NAV3: variants seen among roughly 807,000 people sequenced by gnomAD.
The protein encoded by NAV3 is pore membrane and/or filament interacting like protein 1.
Under a neutral mutation model 244.7 loss-of-function variants are expected in NAV3, and 87 were observed. The ratio of observed to expected loss-of-function variants is 0.36; its 90% CI spans 0.30 to 0.42. The LOEUF (loss-of-function observed/expected upper bound fraction) is 0.42, where lower values mean the gene tolerates loss of function less well. NAV3 is among the 20% of genes least tolerant of loss of function. The probability of loss-of-function intolerance (pLI) is 1.00; values close to 1 mark genes in which losing one functional copy is unlikely to be tolerated. For missense variants in NAV3, 2,663 were observed against 2,893.3 expected, an observed-to-expected ratio of 0.92 and a Z score of 1.83; for synonymous variants, 1,126 against 1,042.2, an observed-to-expected ratio of 1.08 and a Z score of -1.55.
intron 27 of NAV3, 77 bp from the exon 28 acceptor site, chr12:78,177,543 C>T (rs1958289355): frequency 1.5e-6 from 2 of 1,367,404 alleles, no homozygotes; most frequent in East Asian, 2.4e-5. Flanking sequence ...TCTCATTCTC[C>T]AGTTTTCTGA....
rs780375783 is a variant in NAV3, at chr12:78,188,602, A to G, written c.5887-7A>G. 10 of 1,608,722 alleles carry G rather than the reference A, an allele frequency of 6.2e-6. No homozygotes were observed. Among genetic ancestry groups the G allele is most frequent in the African/African-American group, 1.3e-5 (1 of 74,686 alleles). ...TTTGATTTTATTTTTTGTGTGTACC[A>G]TTGTAGGAATATGTATTCCGAATTG... On this transcript the variant is annotated splice_polypyrimidine_tract_variant and splice_region_variant and intron_variant, in intron 32 of 39. Coordinates refer to ENST00000397909, the MANE Select transcript of NAV3 (RefSeq NM_001024383.2).
At chr12:77,923,371 G>A (rs999713805) in intron 1 of NAV3, among the ~76,000 whole-genome samples, 1 of 152,050 alleles carries the variant, frequency 6.6e-6, no homozygotes, top group Admixed American at 6.6e-5. Flanking sequence ...ACACATATCA[G>A]AGCTAAAATA....
intron 1 of NAV3, among the ~76,000 whole-genome samples, chr12:77,880,878 T>G (rs942844772): frequency 6.6e-6 from 1 of 152,204 alleles, no homozygotes; most frequent in African/African-American, 2.4e-5. Flanking sequence ...CACAAAATGA[T>G]GAAATCACCT....
At chr12:77,633,311 C>T (rs1180683260) in intron 2 of NAV3, among the ~76,000 whole-genome samples, 4 of 152,044 alleles carry the variant, frequency 2.6e-5, no homozygotes, top group Non-Finnish European at 2.9e-5. Context: ...TAATTAGACT[C>T]TTAAACACTT....
chr12:77,706,946 T>C (rs1307682143), intron 2 of NAV3, among the ~76,000 whole-genome samples: 2 of 143,882 alleles, frequency 1.4e-5, no homozygotes, highest in African/African-American at 5.5e-5. Context: ...ATACTGATAT[T>C]AAACAAGTCC....
chr12:77,850,841 C>T (rs2136242548), intron 1 of NAV3, among the ~76,000 whole-genome samples: 1 of 152,142 alleles, frequency 6.6e-6, no homozygotes, highest in Non-Finnish European at 1.5e-5. Context: ...GCAGAGTTGG[C>T]CCCATCCAGC....
At chr12:77,829,750 C>G (rs753988677), upstream of NAV3, among the ~76,000 whole-genome samples, 2 of 152,174 alleles carry the variant, frequency 1.3e-5, no homozygotes, top group Non-Finnish European at 2.9e-5. Context: ...TATGCTGCAT[C>G]AGCAGAACAT....
intron 11 of NAV3, among the ~76,000 whole-genome samples, chr12:78,055,932 C>G (rs1248970324): frequency 6.6e-6 from 1 of 152,178 alleles, no homozygotes; most frequent in Non-Finnish European, 1.5e-5. Context: ...TTATTTGTTT[C>G]TGCTTCATTT....
At chr12:77,892,356 G>C (rs1884034129) in intron 1 of NAV3, among the ~76,000 whole-genome samples, 1 of 151,984 alleles carries the variant, frequency 6.6e-6, no homozygotes, top group Non-Finnish European at 1.5e-5. Flanking sequence ...TGTGCATTAG[G>C]TGATCACCAA....
chr12:77,951,004 A>T (rs1890819163), intron 3 of NAV3: 4 of 152,250 alleles, frequency 2.6e-5, no homozygotes, highest in African/African-American at 9.6e-5. Flanking sequence ...GGACATAGGC[A>T]TGGACAAGGA....
At chr12:78,196,308 C>T (rs559296089) in intron 34 of NAV3, among the ~76,000 whole-genome samples, 32 of 151,956 alleles carry the variant, frequency 2.1e-4, no homozygotes, top group Middle Eastern at 6.8e-3. Context: ...AATCCTGGCC[C>T]GTTGTTTTAT....
intron 22 of NAV3, among the ~76,000 whole-genome samples, chr12:78,149,776 T>C (rs2139241732): frequency 6.6e-6 from 1 of 152,194 alleles, no homozygotes; most frequent in South Asian, 2.1e-4. Context: ...TTCTATCTCC[T>C]AGACAAAGCA....
intron 2 of NAV3, among the ~76,000 whole-genome samples, chr12:77,770,355 C>A (rs1413889608): frequency 6.6e-6 from 1 of 152,120 alleles, no homozygotes; most frequent in South Asian, 2.1e-4. Context: ...GAGTTAGAGA[C>A]CTCCCAGAGG....
At chr12:77,846,202 A>G (rs1263037494) in intron 1 of NAV3, among the ~76,000 whole-genome samples, 2 of 152,206 alleles carry the variant, frequency 1.3e-5, no homozygotes, top group Non-Finnish European at 2.9e-5. Context: ...ATCCTCCTCC[A>G]TTAAAATCTA....
At chr12:78,182,728 T>C (rs1958552455) in intron 30 of NAV3, among the ~76,000 whole-genome samples, 1 of 151,926 alleles carries the variant, frequency 6.6e-6, no homozygotes, top group South Asian at 2.1e-4. Context: ...TTTAATACCT[T>C]TTTTTACCCA....
intron 1 of NAV3, among the ~76,000 whole-genome samples, chr12:77,887,225 C>T (rs1231377805): frequency 6.6e-6 from 1 of 152,060 alleles, no homozygotes. Flanking sequence ...AAATTCTGCC[C>T]ACCATTCCAT....
chr12:77,620,973 T>G (rs1218832982), intron 2 of NAV3, among the ~76,000 whole-genome samples: 1 of 152,220 alleles, frequency 6.6e-6, no homozygotes, highest in Non-Finnish European at 1.5e-5. Context: ...AATGAGCAGA[T>G]GTGGTGGCAC....
At chr12:77,813,698 T>A (rs1211716138) in intron 2 of NAV3, among the ~76,000 whole-genome samples, 1 of 150,400 alleles carries the variant, frequency 6.6e-6, no homozygotes, top group Non-Finnish European at 1.5e-5. Flanking sequence ...GAAAAAGTTG[T>A]TCATAAGGAA....
chr12:77,997,440 C>T (rs978629648), intron 6 of NAV3, among the ~76,000 whole-genome samples: 2 of 151,966 alleles, frequency 1.3e-5, no homozygotes, highest in African/African-American at 2.4e-5. Context: ...AATGAATGAT[C>T]GAAACTGATA....
Sources: gnomAD v4.1 joint callset for allele counts (sites outside exome capture counted in the v4.1 genomes callset) on GRCh38, gnomAD v4.1.1 for gene constraint, MANE v1.5 for transcripts, NCBI Gene and HGNC (gene_info 2026-07-23, HGNC 2026-07-21) for gene names.